ZIC5: variants seen among roughly 807,000 people sequenced by gnomAD.
ZIC5 encodes zinc finger protein ZIC 5.
Under a neutral mutation model 28.5 loss-of-function variants are expected in ZIC5, and 20 were observed. The ratio of observed to expected loss-of-function variants is 0.70; its 90% CI spans 0.49 to 1.02. The LOEUF is 1.02. Among genes scored for constraint, ZIC5 ranks in the 50% least tolerant of loss-of-function variants. ZIC5 has a pLI of 0.00. For missense variants in ZIC5, 951 were observed against 899.7 expected, an observed-to-expected ratio of 1.06 and a Z score of -0.73; for synonymous variants, 488 against 410.4, an observed-to-expected ratio of 1.19 and a Z score of -2.29.
chr13:99,970,353 C>T lies in ZIC5; in HGVS notation c.1251G>A (p.Leu417=). The change falls in exon 1 of 2, where the codon CTG becomes CTA. Residue 417 remains leucine, a synonymous_variant. Coordinates refer to ENST00000267294, the MANE Select transcript of ZIC5 (RefSeq NM_033132.5). ...CGTGCTCCACCGTGACGTGATTCAC[C>T]AGCTCGTGCATGGTGCCGAAAGTTT... The part of the protein sequence containing the change: ...CSKTFGTMHE[L]VNHVTVEHVG... 1 of 1,605,326 alleles carries T rather than the reference C, an allele frequency of 6.2e-7. No individual in the cohort carries two copies. Among genetic ancestry groups the T allele is most frequent in the Non-Finnish European group, 8.5e-7 (1 of 1,177,146 alleles).
Position 99,971,097 on chromosome 13 carries a change from G to A in ZIC5, c.507C>T (p.His169=), listed in dbSNP as rs2053153228. The change falls in exon 1 of 2, where the codon CAC becomes CAT. Residue 169 remains histidine (H), a synonymous_variant. Transcript: ENST00000267294. ...CCCTCCGGAGGACGAAGTCCCTGCTGTGGCCTTTGCCGCTGCTGCCGCCGC... is the reference window on the plus strand; with the variant it reads ...CCCTCCGGAGGACGAAGTCCCTGCTATGGCCTTTGCCGCTGCTGCCGCCGC... The part of the protein sequence containing the change: ...SGGGGSSGKG[H]SRDFVLRRDL... 3 of 1,439,768 alleles carry A rather than the reference G, an allele frequency of 2.1e-6. No individual in the cohort carries two copies. Among genetic ancestry groups the A allele is most frequent in the African/African-American group, 3.0e-5 (2 of 67,140 alleles). 89.2% of individuals were successfully genotyped at this position (1,439,768 alleles called of 1,614,324 possible).
rs1053120095 is a variant in ZIC5, at chr13:99,964,562, GT to G, written c.*814del. 1.3e-5 allele frequency: 2 copies of G among 152,314 alleles called. No individual in the cohort carries two copies. Among genetic ancestry groups the G allele is most frequent in the Non-Finnish European group, 2.9e-5 (2 of 68,002 alleles). The allele number at this position is 152,314 out of a possible 1,614,324, so 9.4% of individuals were successfully genotyped here. ...TTTTATAAAATATCACAGTTTCACA[GT>G]TGTCTTTTGCAGCAGCTTTTCTTCT... On this transcript the variant is annotated 3_prime_UTR_variant, in exon 2 of 2. Transcript: ENST00000267294.
In ZIC5 at chr13:99,965,834, A is replaced by G; in HGVS notation, c.1478-15T>C. ...AGGCTTTTCCCCTGCAAGGAAACAC[A>G]GGAAAGGTCAACAATGGCTTTCCAA... On this transcript the variant is annotated splice_polypyrimidine_tract_variant and intron_variant, in intron 1 of 1. Transcript: ENST00000267294. 6.2e-7 allele frequency: 1 copy of G among 1,601,298 alleles called. No homozygotes were observed. Among genetic ancestry groups the G allele is most frequent in the Non-Finnish European group, 8.5e-7 (1 of 1,172,574 alleles).
intron 1 of ZIC5, 35 bp downstream of exon 1, chr13:99,970,089 TGGC>T (rs752145086): frequency 7.6e-6 from 12 of 1,588,068 alleles, no homozygotes; most frequent in Admixed American, 5.2e-5. Flanking sequence ...CAGGAGCTGG[TGGC>T]GGCGGCGGCG....
At chr13:99,969,261 G>C (rs1457833078) in intron 1 of ZIC5, among the ~76,000 whole-genome samples, 1 of 152,200 alleles carries the variant, frequency 6.6e-6, no homozygotes. Flanking sequence ...TTCCACGACA[G>C]GGTAGGCCTC....
intron 1 of ZIC5, among the ~76,000 whole-genome samples, chr13:99,966,900 C>G (rs2152153947): frequency 6.6e-6 from 1 of 152,280 alleles, no homozygotes; most frequent in African/African-American, 2.4e-5. Flanking sequence ...TGAATTTTCC[C>G]TCTCCCCTTG....
chr13:99,965,265 C>A lies in ZIC5; in HGVS notation c.*112G>T. Reference sequence around the variant, plus strand: ...ACTGAATAAATAGGGCTAATTAGACCCGGTGGCAAGTCTGAGTCACGGGTT... The same window carrying A: ...ACTGAATAAATAGGGCTAATTAGACACGGTGGCAAGTCTGAGTCACGGGTT... On this transcript the variant is annotated 3_prime_UTR_variant, in exon 2 of 2. Coordinates refer to ENST00000267294, the MANE Select transcript of ZIC5 (RefSeq NM_033132.5). 2.1e-6 allele frequency: 2 copies of A among 953,922 alleles called. No individual in the cohort carries two copies. Among genetic ancestry groups the A allele is most frequent in the East Asian group, 5.4e-5 (2 of 37,352 alleles). 59.1% of individuals were successfully genotyped at this position (953,922 alleles called of 1,614,324 possible).
rs770172732 is a variant in ZIC5 at position 99,971,392 on chromosome 13, T to A, written c.212A>T (p.His71Leu). Residue 71 changes from histidine to leucine, a missense_variant, in exon 1 of 2, where the codon CAC (histidine) becomes CTC (leucine). His to Leu is a moderately conservative substitution (Grantham distance 99). Around this residue, in one of 3 missense-constraint regions of ZIC5, gnomAD observed 784 missense variants for 660.1 expected, o/e 1.19. Transcript: ENST00000267294. ...GCCCAGCGTGCTCGCCTGGGCCATG[T>A]GCTCGGGTCCGAGCGGAGTGGTGGC... ...GVATTPLGPE[H>L]MAQASTLGLS... is the part of the protein sequence containing the mutation. 6 of 1,506,254 alleles carry A rather than the reference T, an allele frequency of 4.0e-6. No homozygotes were observed. In the East Asian group the frequency reaches 1.2e-4, roughly 31 times the overall value. 93.3% of individuals were successfully genotyped at this position (1,506,254 alleles called of 1,614,324 possible). A position where few individuals can be genotyped will look rare whatever the true frequency, so the allele number is the denominator to read the frequency against.
At position 99,963,068 on chromosome 13, in the gene ZIC5, C is replaced by T. The variant is rs1348584737; in HGVS notation, c.*2309G>A. 1 of 152,340 alleles carries T rather than the reference C, an allele frequency of 6.6e-6. No homozygotes were observed. Among genetic ancestry groups the T allele is most frequent in the Non-Finnish European group, 1.5e-5 (1 of 68,036 alleles). The allele number at this position is 152,340 out of a possible 1,614,324, so 9.4% of individuals were successfully genotyped here. ...TTAAATTTGTTACTTCATAATCATT[C>T]TTGCTTGCTCTCTATTGGAGGTACA... On this transcript the variant is annotated 3_prime_UTR_variant, in exon 2 of 2. Coordinates refer to ENST00000267294, the MANE Select transcript of ZIC5 (RefSeq NM_033132.5).
At position 99,971,497 on chromosome 13, in the gene ZIC5, G is replaced by C. The variant is rs1594285677; in HGVS notation, c.107C>G (p.Ala36Gly). 1.3e-6 allele frequency: 2 copies of C among 1,550,688 alleles called. No individual in the cohort carries two copies. The highest frequency in any genetic ancestry group is 2.4e-5 in the South Asian group (2 of 84,074). The change falls in exon 1 of 2, where the codon GCC becomes GGC. Residue 36 changes from alanine (A) to glycine (G), a missense_variant. Ala to Gly is a moderately conservative substitution (Grantham distance 60). Transcript: ENST00000267294. ...GAGTTGGGAGTGGGCGGGCGGGCCG[G>C]CCAGCGCCGGGAAGCCTGTCATATT... is the stretch of plus-strand genomic sequence containing the variant. ...LQNMTGFPALAGPPAHSQLRA... is the reference protein window; with the variant it reads ...LQNMTGFPALGGPPAHSQLRA...
Position 99,971,476 on chromosome 13 carries a change from TGGGAGTGGGC to T in ZIC5, c.118_127del (p.Ala40AsnfsTer264). ...GAGGTGCGCGACGGCGGCCCGGAGT[TGGGAGTGGGC>T]GGGCGGGCCGGCCAGCGCCGGGAAG... is the stretch of plus-strand genomic sequence containing the variant. On this transcript the variant is annotated frameshift_variant, in exon 1 of 2. Transcript: ENST00000267294. LOFTEE classifies it high-confidence loss of function. The T allele has an allele frequency of 6.5e-7, 1 of 1,526,786 alleles. No homozygotes were observed. Among genetic ancestry groups the T allele is most frequent in the Non-Finnish European group, 8.8e-7 (1 of 1,134,920 alleles). 94.6% of individuals were successfully genotyped at this position (1,526,786 alleles called of 1,614,324 possible). A position where few individuals can be genotyped will look rare whatever the true frequency, so the allele number is the denominator to read the frequency against.
At chr13:99,969,978 C>T (rs1354858366) in intron 1 of ZIC5, 149 bp downstream of exon 1, 3 of 1,228,556 alleles carry the variant, frequency 2.4e-6, no homozygotes, top group African/African-American at 1.6e-5. Context: ...AAAGAAGTCA[C>T]ATGTCCGGGT....
chr13:99,964,863 A>G lies in ZIC5; in HGVS notation c.*514T>C, dbSNP rs2152152444. 6.6e-6 allele frequency: 1 copy of G among 152,462 alleles called. No individual in the cohort carries two copies. Among genetic ancestry groups the G allele is most frequent in the Non-Finnish European group, 1.5e-5 (1 of 67,988 alleles). The allele number at this position is 152,462 out of a possible 1,614,324, so 9.4% of individuals were successfully genotyped here. A position where few individuals can be genotyped will look rare whatever the true frequency, so the allele number is the denominator to read the frequency against. ...TTTACAATCAAGAGGCCTTGGCAGA[A>G]TTAGGGTCCAACAAGGAGGCTCAAA... On this transcript the variant is annotated 3_prime_UTR_variant, in exon 2 of 2. Transcript: ENST00000267294.
At position 99,970,505 on chromosome 13, in the gene ZIC5, G is replaced by C; in HGVS notation, c.1099C>G (p.Pro367Ala). 8.8e-7 allele frequency: 1 copy of C among 1,130,738 alleles called. No homozygotes were observed. Among genetic ancestry groups the C allele is most frequent in the African/African-American group, 1.7e-5 (1 of 60,050 alleles). The allele number at this position is 1,130,738 out of a possible 1,614,324, so 70.0% of individuals were successfully genotyped here. ...TTGCAGATGAGCTCCTGCTTGATTGGCTGCCGCATGTAGCGCAGGAAGGCC... is the reference window on the plus strand; with the variant it reads ...TTGCAGATGAGCTCCTGCTTGATTGCCTGCCGCATGTAGCGCAGGAAGGCC... ...AGAFLRYMRQ[P>A]IKQELICKWI... Residue 367 changes from proline to alanine, a missense_variant, in exon 1 of 2, where the codon CCA (proline) becomes GCA (alanine). Pro to Ala is a conservative substitution (Grantham distance 27). Coordinates refer to ENST00000267294, the MANE Select transcript of ZIC5 (RefSeq NM_033132.5).
chr13:99,964,034 G>T lies in ZIC5; in HGVS notation c.*1343C>A, dbSNP rs979774631. 2.0e-5 allele frequency: 3 copies of T among 152,512 alleles called. No homozygotes were observed. The East Asian group carries it at 5.8e-4, about 29-fold the overall frequency. 9.4% of individuals were successfully genotyped at this position (152,512 alleles called of 1,614,324 possible). ...AAATCGACTAAGAGTTATTGTCCTA[G>T]GTCCTTGACCTTTTTTATCCTAGCT... On this transcript the variant is annotated 3_prime_UTR_variant, in exon 2 of 2. Coordinates refer to ENST00000267294, the MANE Select transcript of ZIC5 (RefSeq NM_033132.5).
Position 99,970,757 on chromosome 13 carries a change from G to C in ZIC5, c.847C>G (p.Arg283Gly). The C allele has an allele frequency of 3.4e-6, 4 of 1,179,676 alleles. No individual in the cohort carries two copies. Among genetic ancestry groups the C allele is most frequent in the Non-Finnish European group, 4.2e-6 (4 of 956,116 alleles). The allele number at this position is 1,179,676 out of a possible 1,614,324, so 73.1% of individuals were successfully genotyped here. A position where few individuals can be genotyped will look rare whatever the true frequency, so the allele number is the denominator to read the frequency against. ...GCCCCGTAGTGCGCGTCCCCAGAGCGCGGCGCGAAGGGCGGTTCGGCGCGG... is the reference window on the plus strand; with the variant it reads ...GCCCCGTAGTGCGCGTCCCCAGAGCCCGGCGCGAAGGGCGGTTCGGCGCGG... The part of the protein sequence containing the change: ...YGRAEPPFAP[R>G]SGDAHYGAVA... The change falls in exon 1 of 2, where the codon CGC becomes GGC. Residue 283 changes from arginine to glycine, a missense_variant. By Grantham distance (125) the Arg-to-Gly change is moderately radical. Around this residue, in one of 3 missense-constraint regions of ZIC5, gnomAD observed 784 missense variants for 660.1 expected, o/e 1.19. Transcript: ENST00000267294.
rs1322078017 is a variant in ZIC5 at position 99,965,384 on chromosome 13, A to G, written c.1913T>C (p.Ile638Thr). ...TATTATTAATAATAAATTCTAATGT[A>G]TCGTCCGCACAACTTCAGGGTTCCC... ...IYGNPEVVRT[I>T]H The change falls in exon 2 of 2, where the codon ATA (isoleucine) becomes ACA (threonine). Residue 638 changes from isoleucine to threonine, a missense_variant. Around this residue, in one of 3 missense-constraint regions of ZIC5, gnomAD observed 108 missense variants for 118.4 expected, o/e 0.91. Coordinates refer to ENST00000267294, the MANE Select transcript of ZIC5 (RefSeq NM_033132.5). 1.9e-6 allele frequency: 3 copies of G among 1,613,182 alleles called. No homozygotes were observed. The highest frequency in any genetic ancestry group is 1.7e-6 in the Non-Finnish European group (2 of 1,179,764).
intron 1 of ZIC5, among the ~76,000 whole-genome samples, chr13:99,968,700 T>C (rs1594283178): frequency 6.6e-6 from 1 of 152,266 alleles, no homozygotes; most frequent in East Asian, 1.9e-4. Context: ...CGAGAAGTGC[T>C]GGGCACAGGA....
Position 99,963,337 on chromosome 13 carries a change from C to G in ZIC5, c.*2040G>C, listed in dbSNP as rs907186488. The stretch of plus-strand genomic sequence containing the variant: ...AAATTATCCCCCCAAAAGTTCATAC[C>G]TTTTCTATTTGAAAGGGCTTTGAAA... On this transcript the variant is annotated 3_prime_UTR_variant, in exon 2 of 2. Transcript: ENST00000267294. The G allele has an allele frequency of 6.6e-6, 1 of 152,454 alleles. No individual in the cohort carries two copies. The highest frequency in any genetic ancestry group is 1.5e-5 in the Non-Finnish European group (1 of 68,006). The allele number at this position is 152,454 out of a possible 1,614,324, so 9.4% of individuals were successfully genotyped here.
Sources: gnomAD v4.1 joint callset for allele counts (sites outside exome capture counted in the v4.1 genomes callset) on GRCh38, gnomAD v4.1.1 for gene constraint, gnomAD v4.1.1 regional missense constraint, MANE v1.5 for transcripts, NCBI Gene and HGNC (gene_info 2026-07-23, HGNC 2026-07-21) for gene names.